Variants in TMPRSS15 observed in about 807,000 individuals in gnomAD.
TMPRSS15 encodes the protein enteropeptidase.
In TMPRSS15, 128 loss-of-function variants were observed where a neutral mutation model predicts 125.3. The ratio of observed to expected loss-of-function variants is 1.02; its 90% confidence interval spans 0.89 to 1.18. TMPRSS15 has a LOEUF of 1.18. Ranked by LOEUF, TMPRSS15 falls within the 50% of genes most tolerant of loss-of-function variation. TMPRSS15 has a pLI of 0.00. For missense variants in TMPRSS15, 1,283 were observed against 1,212.7 expected (o/e 1.06, Z -0.86); for synonymous variants, 446 against 423.2 (o/e 1.05, Z -0.66).
At chr21:18,337,102 G>A (rs943307746) in intron 13 of TMPRSS15, among the ~76,000 whole-genome samples, 1 of 152,062 alleles carries the variant, frequency 6.6e-6, no homozygotes, top group Non-Finnish European at 1.5e-5. Context: ...CCATGTTGGC[G>A]AGGCTGGTCT....
At chr21:18,469,560 C>T (rs1008934610) in intron 1 of TMPRSS15, among the ~76,000 whole-genome samples, 1 of 151,982 alleles carries the variant, frequency 6.6e-6, no homozygotes, top group African/African-American at 2.4e-5. Flanking sequence ...TGCCTTGCTC[C>T]TCATATAAGC....
In TMPRSS15 at chr21:18,294,238, G is replaced by A. The variant is rs544316085; in HGVS notation, c.2486+32C>T. 8.1e-6 allele frequency: 13 copies of A among 1,613,528 alleles called. No individual in the cohort carries two copies. In the South Asian group the frequency reaches 1.3e-4, roughly 16 times the overall value. ...TGGCAGTGTCTGCTGTGGTGACCTAGTTTGGGAAGGGACACTTGACATCAC... is the reference window on the plus strand; with the variant it reads ...TGGCAGTGTCTGCTGTGGTGACCTAATTTGGGAAGGGACACTTGACATCAC... On this transcript the variant is annotated intron_variant, in intron 21 of 24. Transcript: ENST00000284885.
intron 1 of TMPRSS15, among the ~76,000 whole-genome samples, chr21:18,480,650 T>G (rs1978965552): frequency 6.6e-6 from 1 of 151,804 alleles, no homozygotes; most frequent in Non-Finnish European, 1.5e-5. Flanking sequence ...CTTGCCTCCC[T>G]GGTGACCTGC....
At chr21:18,305,242 G>A (rs1398092413) in intron 18 of TMPRSS15, among the ~76,000 whole-genome samples, 3 of 142,238 alleles carry the variant, frequency 2.1e-5, no homozygotes, top group Admixed American at 7.4e-5. Context: ...AGGCTGGAGT[G>A]CAGTGGCGCG....
In TMPRSS15 at chr21:18,360,348, C is replaced by T. The variant is rs890626317; in HGVS notation, c.774-485G>A. ...TCAATCATCGGATTATGGACACTCA[C>T]GTTCTTTTTACCTTTTGTTTATTGT... On this transcript the variant is annotated intron_variant, in intron 7 of 24. Transcript: ENST00000284885. Among the ~76,000 whole-genome samples, 11 of 152,060 alleles carry T rather than the reference C, an allele frequency of 7.2e-5. 1 individual carries two copies. The highest frequency in any genetic ancestry group is 4.6e-4 in the Admixed American group (7 of 15,238).
chr21:18,443,119 ATTAAATAGT>A (rs1170243219), intron 1 of TMPRSS15, among the ~76,000 whole-genome samples: 1 of 152,194 alleles, frequency 6.6e-6, no homozygotes, highest in Non-Finnish European at 1.5e-5. Context: ...ACTAGCCCCG[ATTAAATAGT>A]GCAGAGAAAC....
At position 18,285,000 on chromosome 21, in the gene TMPRSS15, C is replaced by CA. The variant is rs113014415; in HGVS notation, c.2487-3780dup. On this transcript the variant is annotated intron_variant, in intron 21 of 24. Transcript: ENST00000284885. ...TGGGTGACAAGAGCAAAACTCTGCCCAAAAAAAAAAAAGAGAAAAAAAAGA... is the reference window on the plus strand; with the variant it reads ...TGGGTGACAAGAGCAAAACTCTGCCCAAAAAAAAAAAAAGAGAAAAAAAAGA... 8.0e-4 allele frequency among the ~76,000 whole-genome samples: 115 copies of CA among 143,354 alleles called. 1 individual carries two copies. Among genetic ancestry groups the CA allele is most frequent in the East Asian group, 2.7e-3 (13 of 4,750 alleles). 94.0% of individuals were successfully genotyped at this position (143,354 alleles called of 152,430 possible).
intron 1 of TMPRSS15, among the ~76,000 whole-genome samples, chr21:18,414,868 A>C (rs2076176153): frequency 6.6e-6 from 1 of 152,132 alleles, no homozygotes; most frequent in Non-Finnish European, 1.5e-5. Context: ...ATTTCTTGGG[A>C]TATATACCCA....
intron 1 of TMPRSS15, among the ~76,000 whole-genome samples, chr21:18,473,374 T>C (rs1268596937): frequency 1.3e-5 from 2 of 152,112 alleles, no homozygotes; most frequent in African/African-American, 4.8e-5. Context: ...GCAGGTTATA[T>C]CCATAACCAT....
intron 8 of TMPRSS15, 39 bp from the exon 9 acceptor site, chr21:18,353,902 T>C: frequency 6.4e-7 from 1 of 1,573,078 alleles, no homozygotes; most frequent in Non-Finnish European, 8.7e-7. Flanking sequence ...TGTATATATC[T>C]ATCTGTTCAT....
At chr21:18,437,680 C>T (rs1263262521) in intron 1 of TMPRSS15, among the ~76,000 whole-genome samples, 1 of 152,182 alleles carries the variant, frequency 6.6e-6, no homozygotes, top group Non-Finnish European at 1.5e-5. Context: ...TGAGCGGACA[C>T]TTCTCAAAAG....
chr21:18,288,730 A>ACC (rs2074797263), intron 21 of TMPRSS15, among the ~76,000 whole-genome samples: 1 of 151,566 alleles, frequency 6.6e-6, no homozygotes, highest in Non-Finnish European at 1.5e-5. Context: ...TTTAGTAGAG[A>ACC]CGGGGTTTCA....
intron 1 of TMPRSS15, among the ~76,000 whole-genome samples, chr21:18,459,193 A>G (rs1221878866): frequency 1.3e-5 from 2 of 152,180 alleles, no homozygotes; most frequent in African/African-American, 2.4e-5. Context: ...ATGCATTTAT[A>G]AAAATCAACT....
At chr21:18,419,522 G>A (rs1328274788) in intron 1 of TMPRSS15, among the ~76,000 whole-genome samples, 1 of 152,088 alleles carries the variant, frequency 6.6e-6, no homozygotes, top group Non-Finnish European at 1.5e-5. Flanking sequence ...AGTGTACCCG[G>A]CCGACATTTC....
intron 3 of TMPRSS15, 26 bp from the exon 4 acceptor site, chr21:18,383,804 G>C (rs530824222): frequency 2.5e-6 from 4 of 1,608,688 alleles, no homozygotes; most frequent in Admixed American, 3.4e-5. Context: ...GGATATAAGA[G>C]GAAAAAGTCA....
At chr21:18,371,589 A>G (rs2824781) in intron 6 of TMPRSS15, among the ~76,000 whole-genome samples, 39,572 of 152,138 alleles carry the variant, frequency 0.26, 5,300 homozygotes, top group Middle Eastern at 0.3. Flanking sequence ...ATTAACACTC[A>G]AAAAATGCCA....
At chr21:18,428,995 C>A (rs1350293641) in intron 1 of TMPRSS15, among the ~76,000 whole-genome samples, 2 of 152,172 alleles carry the variant, frequency 1.3e-5, no homozygotes, top group African/African-American at 4.8e-5. Context: ...CTCTACCCTG[C>A]AAAGCCACAG....
intron 23 of TMPRSS15, among the ~76,000 whole-genome samples, chr21:18,278,031 T>C (rs1384945239): frequency 1.3e-5 from 2 of 152,166 alleles, no homozygotes; most frequent in African/African-American, 4.8e-5. Flanking sequence ...TGGGGGTGAA[T>C]GGTGTATCAA....
At chr21:18,329,410 A>T (rs528463229) in intron 14 of TMPRSS15, 116 bp from the exon 15 acceptor site, 1 of 1,089,792 alleles carries the variant, frequency 9.2e-7, no homozygotes, top group Admixed American at 2.9e-5. Flanking sequence ...TTTCCACTTC[A>T]TGAAAATCAG....
Sources: gnomAD v4.1 joint callset for allele counts (sites outside exome capture counted in the v4.1 genomes callset) on GRCh38, gnomAD v4.1.1 for gene constraint, MANE v1.5 for transcripts, NCBI Gene and HGNC (gene_info 2026-07-23, HGNC 2026-07-21) for gene names.